GALK2: variants seen among roughly 807,000 people sequenced by gnomAD.
The protein encoded by GALK2 is N-acetylgalactosamine kinase.
In GALK2, 36 loss-of-function variants were observed where a neutral mutation model predicts 52.4. The observed-to-expected ratio is 0.69, with a 90% CI of 0.53 to 0.91. The LOEUF is 0.91. GALK2 is among the 40% of genes least tolerant of loss of function. The probability of loss-of-function intolerance (pLI) is 0.00; values close to 1 mark genes in which losing one functional copy is unlikely to be tolerated. For synonymous variants in GALK2, 176 were observed against 199.1 expected, an observed-to-expected ratio of 0.88 and a Z score of 0.98; for missense variants, 579 against 559.1, an observed-to-expected ratio of 1.04 and a Z score of -0.36.
chr15:49,267,388 C>T (rs1399086188), intron 5 of GALK2, among the ~76,000 whole-genome samples: 1 of 152,190 alleles, frequency 6.6e-6, no homozygotes, highest in East Asian at 1.9e-4. Flanking sequence ...GGGGTGTTCT[C>T]ACTAAACTGA....
chr15:49,233,333 G>A lies in GALK2; in HGVS notation c.267-2518G>A, dbSNP rs2141468862. Among the ~76,000 whole-genome samples, 2 of 152,134 alleles carry A rather than the reference G, an allele frequency of 1.3e-5. 1 individual carries two copies. Among genetic ancestry groups the A allele is most frequent in the East Asian group, 3.9e-4 (2 of 5,174 alleles). On this transcript the variant is annotated intron_variant, in intron 3 of 9. Coordinates refer to ENST00000560031, the MANE Select transcript of GALK2 (RefSeq NM_002044.4). ...TCTATCATGAAAACAATACCAAAGG[G>A]GGAAATCCACCCCCATGATCCAGTC...
chr15:49,328,310 G>GCT lies in GALK2; in HGVS notation c.*156_*157dup. ...TATATTTTCAAAGAAATGGTTGAAA[G>GCT]CTCTCTATGCTTCATAATGATTCTT... On this transcript the variant is annotated 3_prime_UTR_variant, in exon 10 of 10. Transcript: ENST00000560031. The GCT allele has an allele frequency of 1.4e-6, 2 of 1,433,384 alleles. No individual in the cohort carries two copies. Among genetic ancestry groups the GCT allele is most frequent in the Non-Finnish European group, 1.8e-6 (2 of 1,097,460 alleles). The allele number at this position is 1,433,384 out of a possible 1,614,324, so 88.8% of individuals were successfully genotyped here. A position where few individuals can be genotyped will look rare whatever the true frequency, so the allele number is the denominator to read the frequency against.
intron 8 of GALK2, among the ~76,000 whole-genome samples, chr15:49,316,061 A>G (rs1026452483): frequency 6.6e-6 from 1 of 152,216 alleles, no homozygotes; most frequent in Admixed American, 6.5e-5. Context: ...TGGATGGGAT[A>G]TTGAAAATCC....
rs541391173 is a variant in GALK2, at chr15:49,357,524, C to G, written c.427-9967C>G. Among the ~76,000 whole-genome samples the G allele has an allele frequency of 8.6e-4, 130 of 152,034 alleles. No homozygotes were observed. In the South Asian group the frequency reaches 0.026, roughly 30 times the overall value. ...AAATTCCTCGACACATACACTCTCC[C>G]AAGACTAAACCAGGAAGAAGTTGAA... On this transcript the variant is annotated intron_variant, in intron 3 of 3. Coordinates refer to the GALK2 transcript ENST00000558399.
chr15:49,264,177 T>A (rs1423366486), intron 5 of GALK2, among the ~76,000 whole-genome samples: 2 of 151,788 alleles, frequency 1.3e-5, no homozygotes, highest in East Asian at 3.9e-4. Context: ...TCCAACTTGG[T>A]TCCATTCTCC....
intron 1 of GALK2, among the ~76,000 whole-genome samples, chr15:49,183,077 A>T (rs944171241): frequency 6.6e-6 from 1 of 152,088 alleles, no homozygotes; most frequent in African/African-American, 2.4e-5. Flanking sequence ...AATGTCCTGG[A>T]TGTTTCCCCA....
At chr15:49,215,086 CT>C (rs1277252883) in intron 2 of GALK2, among the ~76,000 whole-genome samples, 1 of 152,164 alleles carries the variant, frequency 6.6e-6, no homozygotes, top group Admixed American at 6.5e-5. Flanking sequence ...GAGTTGTCTC[CT>C]ACTAGACATA....
chr15:49,178,195 CT>C (rs2085631720), intron 1 of GALK2, among the ~76,000 whole-genome samples: 1 of 50,520 alleles, frequency 2.0e-5, no homozygotes, highest in Non-Finnish European at 3.5e-5. Context: ...AAAAGAAATA[CT>C]ATATATATAT....
intron 5 of GALK2, among the ~76,000 whole-genome samples, 156 bp from the exon 6 acceptor site, chr15:49,281,831 T>G (rs2032744652): frequency 6.6e-6 from 1 of 152,230 alleles, no homozygotes; most frequent in Non-Finnish European, 1.5e-5. Flanking sequence ...TTTCCTATAG[T>G]CTGGAGCCCT....
At chr15:49,206,194 T>C (rs2088266729) in intron 2 of GALK2, among the ~76,000 whole-genome samples, 1 of 152,080 alleles carries the variant, frequency 6.6e-6, no homozygotes. Flanking sequence ...TTCTTTTTGC[T>C]TAGTCTTGTT....
chr15:49,266,124 C>T (rs2092352016), intron 5 of GALK2, among the ~76,000 whole-genome samples: 1 of 152,154 alleles, frequency 6.6e-6, no homozygotes, highest in South Asian at 2.1e-4. Flanking sequence ...TGTCAGCCGA[C>T]ATGATAGGAG....
At chr15:49,332,224 A>G (rs1248363276), downstream of GALK2, among the ~76,000 whole-genome samples, 2 of 152,152 alleles carry the variant, frequency 1.3e-5, no homozygotes, top group South Asian at 2.1e-4. Flanking sequence ...GCAGTGGCAC[A>G]TCCTCTTCAG....
At chr15:49,306,137 C>G (rs183415262) in intron 8 of GALK2, among the ~76,000 whole-genome samples, 20 of 152,080 alleles carry the variant, frequency 1.3e-4, no homozygotes, top group Admixed American at 3.9e-4. Context: ...CCCTCACTTT[C>G]AGTCACCCCA....
intron 5 of GALK2, among the ~76,000 whole-genome samples, chr15:49,265,009 G>A (rs933401524): frequency 1.1e-4 from 16 of 152,308 alleles, no homozygotes; most frequent in African/African-American, 3.8e-4. Flanking sequence ...CAGTTAGGCT[G>A]CTTGGGGGTC....
intron 1 of GALK2, among the ~76,000 whole-genome samples, chr15:49,174,036 T>C (rs748786803): frequency 1.3e-5 from 2 of 152,162 alleles, no homozygotes; most frequent in African/African-American, 2.4e-5. Flanking sequence ...TGCCCCGGAC[T>C]ATTTCACTGT....
chr15:49,319,491 T>G (rs995830516), intron 8 of GALK2, 113 bp from the exon 9 acceptor site: 119 of 824,002 alleles, frequency 1.4e-4, no homozygotes, highest in Admixed American at 1.1e-4. Context: ...TATTGAAGTT[T>G]AAGATACTGA....
At chr15:49,202,692 A>T (rs1031674164) in intron 2 of GALK2, among the ~76,000 whole-genome samples, 4 of 152,148 alleles carry the variant, frequency 2.6e-5, no homozygotes, top group African/African-American at 9.7e-5. Flanking sequence ...TGACATACTG[A>T]TGTCCTTTTC....
intron 8 of GALK2, among the ~76,000 whole-genome samples, chr15:49,314,599 A>G (rs1453574482): frequency 6.6e-6 from 1 of 152,202 alleles, no homozygotes; most frequent in Non-Finnish European, 1.5e-5. Context: ...CATTTATTGA[A>G]CCCCTACTAA....
At chr15:49,209,630 C>T (rs1214676875) in intron 2 of GALK2, among the ~76,000 whole-genome samples, 6 of 152,148 alleles carry the variant, frequency 3.9e-5, no homozygotes, top group East Asian at 1.9e-4. Flanking sequence ...TGTGATATAT[C>T]GTATTTTTGG....
Sources: allele counts gnomAD v4.1 joint callset (sites outside exome capture counted in the v4.1 genomes callset), GRCh38; gene constraint gnomAD v4.1.1; transcripts MANE v1.5; gene names NCBI Gene and HGNC (gene_info 2026-07-23, HGNC 2026-07-21).